Variants in PPP6C observed in about 807,000 individuals in gnomAD.
PPP6C encodes serine/threonine-protein phosphatase 6 catalytic subunit.
Under a neutral mutation model 39.8 loss-of-function variants are expected in PPP6C, and 11 were observed. The ratio of observed to expected loss-of-function variants is 0.28; its 90% confidence interval spans 0.17 to 0.46. The LOEUF is 0.46. Ranked by LOEUF, PPP6C falls within the 20% of genes least tolerant of loss-of-function variation. The pLI, the probability that PPP6C is intolerant of heterozygous loss-of-function variation, is 1.00. For missense variants in PPP6C, 211 were observed against 373.9 expected (o/e 0.56, Z 3.59); for synonymous variants, 129 against 130.3 (o/e 0.99, Z 0.07).
chr9:125,152,037 C>T (rs1037121228), intron 6 of PPP6C, among the ~76,000 whole-genome samples: 1 of 152,054 alleles, frequency 6.6e-6, no homozygotes, highest in African/African-American at 2.4e-5. Flanking sequence ...CCTGGGCAAC[C>T]CCAAACCTAG....
rs72238242 is a variant in PPP6C at position 125,172,720 on chromosome 9, AACACACACAC to A, written c.76-1550_76-1541del. Among the ~76,000 whole-genome samples, 201 of 144,788 alleles carry A rather than the reference AACACACACAC, an allele frequency of 1.4e-3. 1 individual carries two copies. The highest frequency in any genetic ancestry group is 3.9e-3 in the African/African-American group (155 of 39,478). The allele number at this position is 144,788 out of a possible 152,430, so 95.0% of individuals were successfully genotyped here. A position where few individuals can be genotyped will look rare whatever the true frequency, so the allele number is the denominator to read the frequency against. ...AACTGCAAAGAACTGAATACACACA[AACACACACAC>A]ACACACACACACACACACACAAACA... On this transcript the variant is annotated intron_variant, in intron 1 of 6. Transcript: ENST00000373547.
chr9:125,172,745 AC>A (rs1489214660), intron 1 of PPP6C, among the ~76,000 whole-genome samples: 3 of 144,602 alleles, frequency 2.1e-5, no homozygotes, highest in African/African-American at 8.6e-5. Context: ...ACACACACAC[AC>A]ACACAAACAC....
intron 2 of PPP6C, among the ~76,000 whole-genome samples, chr9:125,168,678 C>T (rs1028603385): frequency 1.3e-5 from 2 of 150,694 alleles, no homozygotes; most frequent in Middle Eastern, 7.0e-3. Context: ...AGGATGGTCT[C>T]GATCTCTTGC....
chr9:125,151,248 T>C, intron 6 of PPP6C: 2 of 1,502,124 alleles, frequency 1.3e-6, no homozygotes, highest in Non-Finnish European at 1.9e-6. Context: ...GTCGACCGCA[T>C]GGTGCTTGTG....
At chr9:125,171,679 A>T (rs1043458810) in intron 1 of PPP6C, among the ~76,000 whole-genome samples, 5 of 150,850 alleles carry the variant, frequency 3.3e-5, no homozygotes, top group African/African-American at 1.2e-4. Flanking sequence ...TCAGCCTCCC[A>T]AGTAGCTGGG....
intron 6 of PPP6C, among the ~76,000 whole-genome samples, chr9:125,150,421 G>GGTGGGTGTGTGTGTGT (rs1554720641): frequency 1.3e-5 from 2 of 149,856 alleles, no homozygotes; most frequent in Non-Finnish European, 3.0e-5. Flanking sequence ...CAATATAAGG[G>GGTGGGTGTGTGTGTGT]GTGTGTGTGT....
intron 2 of PPP6C, among the ~76,000 whole-genome samples, chr9:125,169,794 C>G (rs540785288): frequency 6.6e-6 from 1 of 152,180 alleles, no homozygotes; most frequent in East Asian, 1.9e-4. Flanking sequence ...TTTTAACAAT[C>G]AAAGATGACA....
intron 4 of PPP6C, 123 bp downstream of exon 4, chr9:125,158,118 G>T: frequency 1.1e-6 from 1 of 952,094 alleles, no homozygotes. Context: ...TGTTTGGGAG[G>T]AGTGAAGGAG....
chr9:125,175,366 C>T (rs1357078894), intron 1 of PPP6C, among the ~76,000 whole-genome samples: 3 of 150,812 alleles, frequency 2.0e-5, no homozygotes, highest in Non-Finnish European at 3.0e-5. Flanking sequence ...CGGCCGGGCG[C>T]GGTGGCTCAC....
In PPP6C at chr9:125,158,188, TCC is replaced by T. The variant is rs565067766; in HGVS notation, c.379+51_379+52del. Reference sequence around the variant, plus strand: ...GTGTATGACTTGTGTAGCTTTGTTTTCCAAAGAGGAAAGTAAAATAATATTCA... The same window carrying T: ...GTGTATGACTTGTGTAGCTTTGTTTTAAAGAGGAAAGTAAAATAATATTCA... On this transcript the variant is annotated intron_variant, in intron 4 of 6. Transcript: ENST00000373547. The T allele has an allele frequency of 3.2e-4, 492 of 1,522,988 alleles. 6 individuals are homozygous for T. In the South Asian group the frequency reaches 5.2e-3, roughly 16 times the overall value. 94.3% of individuals were successfully genotyped at this position (1,522,988 alleles called of 1,614,324 possible). A position where few individuals can be genotyped will look rare whatever the true frequency, so the allele number is the denominator to read the frequency against.
At chr9:125,164,132 C>T (rs1225235972) in intron 2 of PPP6C, among the ~76,000 whole-genome samples, 1 of 151,582 alleles carries the variant, frequency 6.6e-6, no homozygotes, top group Non-Finnish European at 1.5e-5. Context: ...CCACAGCACA[C>T]GGCCCTATTT....
intron 1 of PPP6C, among the ~76,000 whole-genome samples, chr9:125,174,214 G>A (rs187552358): frequency 2.6e-5 from 4 of 151,956 alleles, no homozygotes; most frequent in South Asian, 2.1e-4. Context: ...CATTAATTAA[G>A]GAATCTAAAT....
At chr9:125,184,420 A>G (rs1433517090) in intron 1 of PPP6C, among the ~76,000 whole-genome samples, 1 of 151,782 alleles carries the variant, frequency 6.6e-6, no homozygotes, top group Non-Finnish European at 1.5e-5. Flanking sequence ...AGCTGGGCAC[A>G]CTATTGCACA....
intron 1 of PPP6C, chr9:125,188,909 A>T: frequency 1.3e-6 from 2 of 1,547,910 alleles, no homozygotes; most frequent in Non-Finnish European, 1.7e-6. Flanking sequence ...AGGAGTAACA[A>T]GGAACTCACC....
At chr9:125,170,999 T>C (rs571015144) in intron 2 of PPP6C, 86 bp downstream of exon 2, 6 of 827,164 alleles carry the variant, frequency 7.3e-6, no homozygotes, top group African/African-American at 7.1e-5. Flanking sequence ...GTTGATGTTG[T>C]TGTTGTTTTA....
At chr9:125,188,076 A>G (rs72767017) in intron 1 of PPP6C, among the ~76,000 whole-genome samples, 21,642 of 152,140 alleles carry the variant, frequency 0.14, 1,737 homozygotes, top group East Asian at 0.23. Context: ...CCACAGTAAT[A>G]TATTTCCTTA....
chr9:125,153,042 G>A (rs1435850910), intron 6 of PPP6C, among the ~76,000 whole-genome samples: 1 of 152,050 alleles, frequency 6.6e-6, no homozygotes, highest in East Asian at 1.9e-4. Context: ...GGAGGCTGAG[G>A]CGGGTGGATC....
intron 1 of PPP6C, among the ~76,000 whole-genome samples, chr9:125,180,961 C>T (rs1829409378): frequency 6.6e-6 from 1 of 152,158 alleles, no homozygotes; most frequent in Non-Finnish European, 1.5e-5. Context: ...AGGGCCCAGG[C>T]ACACTAACTA....
intron 2 of PPP6C, among the ~76,000 whole-genome samples, chr9:125,167,392 A>T (rs983294385): frequency 1.4e-5 from 2 of 144,730 alleles, no homozygotes; most frequent in Admixed American, 7.2e-5. Flanking sequence ...AAAAAAAAAA[A>T]AAAAAAAGAA....
Sources: gnomAD v4.1 joint callset for allele counts (sites outside exome capture counted in the v4.1 genomes callset) on GRCh38, gnomAD v4.1.1 for gene constraint, MANE v1.5 for transcripts, NCBI Gene and HGNC (gene_info 2026-07-23, HGNC 2026-07-21) for gene names.